SPAG9: variants seen among roughly 807,000 people sequenced by gnomAD.
SPAG9 encodes the protein sperm associated antigen 9.
In SPAG9, 35 loss-of-function variants were observed where a neutral mutation model predicts 166.5. That is an observed-to-expected ratio of 0.21 (90% CI 0.16 to 0.28). The LOEUF (loss-of-function observed/expected upper bound fraction) is 0.28, where lower values mean the gene tolerates loss of function less well. Ranked by LOEUF, SPAG9 falls within the 10% of genes least tolerant of loss-of-function variation. The pLI, the probability that SPAG9 is intolerant of heterozygous loss-of-function variation, is 1.00. For missense variants in SPAG9, 1,235 were observed against 1,603.3 expected (o/e 0.77, Z 3.92); for synonymous variants, 534 against 565.5 (o/e 0.94, Z 0.79).
At chr17:50,980,030 T>A (rs1032431756) in intron 25 of SPAG9, 113 bp from the exon 26 acceptor site, 1 of 870,968 alleles carries the variant, frequency 1.1e-6, no homozygotes. Flanking sequence ...CCAAATATTA[T>A]ATATTAAACA....
In SPAG9 at chr17:51,120,053, C is replaced by G. The variant is rs2049428302; in HGVS notation, c.303+301G>C. 6.6e-6 allele frequency among the ~76,000 whole-genome samples: 1 copy of G among 152,200 alleles called. No homozygotes were observed. Among genetic ancestry groups the G allele is most frequent in the Non-Finnish European group, 1.5e-5 (1 of 68,036 alleles). On this transcript the variant is annotated intron_variant, in intron 1 of 29. Transcript: ENST00000262013. This position sits in a 1 kb window ranked among gnomAD's most constrained non-coding sequence, Gnocchi z 4.7. ...CCCTCAACAAGAAGCAACCAGACACCCAACAATCTCCGCCCTTGGCCAACC... is the reference window on the plus strand; with the variant it reads ...CCCTCAACAAGAAGCAACCAGACACGCAACAATCTCCGCCCTTGGCCAACC...
At chr17:50,970,897 G>A (rs1300296236) in intron 28 of SPAG9, 41 bp from the exon 29 acceptor site, 1 of 1,524,368 alleles carries the variant, frequency 6.6e-7, no homozygotes. Context: ...ACTTATCACA[G>A]AAGGGAGGCT....
chr17:51,050,965 G>A (rs550258477), intron 3 of SPAG9, among the ~76,000 whole-genome samples: 2 of 143,000 alleles, frequency 1.4e-5, no homozygotes, highest in South Asian at 4.4e-4. Flanking sequence ...AGAAAGGAAA[G>A]AACGAAGGGA....
chr17:50,986,502 G>A (rs937236034), intron 22 of SPAG9, among the ~76,000 whole-genome samples: 1 of 152,136 alleles, frequency 6.6e-6, no homozygotes, highest in Non-Finnish European at 1.5e-5. Context: ...GCTCCAATGA[G>A]CATTACCTGC....
intron 1 of SPAG9, among the ~76,000 whole-genome samples, chr17:51,113,905 G>A (rs2049202087): frequency 1.3e-5 from 2 of 152,086 alleles, no homozygotes; most frequent in Non-Finnish European, 2.9e-5. Context: ...TGAGATGGGA[G>A]GATCGCTTGA....
At chr17:51,034,803 A>C (rs1294352125) in intron 5 of SPAG9, among the ~76,000 whole-genome samples, 1 of 152,256 alleles carries the variant, frequency 6.6e-6, no homozygotes, top group African/African-American at 2.4e-5. Flanking sequence ...GCACAGTCTC[A>C]AAGTATATCC....
chr17:51,104,300 GC>G (rs1011600390), intron 1 of SPAG9, among the ~76,000 whole-genome samples: 4 of 152,116 alleles, frequency 2.6e-5, no homozygotes, highest in African/African-American at 9.7e-5. Context: ...ACCACTGTAT[GC>G]CCAATGAGCA....
At chr17:51,067,907 C>T (rs928601120) in intron 2 of SPAG9, among the ~76,000 whole-genome samples, 3 of 152,234 alleles carry the variant, frequency 2.0e-5, no homozygotes, top group Non-Finnish European at 4.4e-5. Flanking sequence ...GCCACCTGCT[C>T]TGCCGGCTCA....
chr17:50,989,167 C>G (rs955726438), intron 21 of SPAG9, among the ~76,000 whole-genome samples: 1 of 152,130 alleles, frequency 6.6e-6, no homozygotes, highest in African/African-American at 2.4e-5. Flanking sequence ...GGTGGTTCCA[C>G]AAGATTATAC....
chr17:50,995,051 A>T lies in SPAG9; in HGVS notation c.2226+6T>A, dbSNP rs376252128. 1.2e-6 allele frequency: 2 copies of T among 1,609,168 alleles called. No individual in the cohort carries two copies. Among genetic ancestry groups the T allele is most frequent in the Non-Finnish European group, 8.5e-7 (1 of 1,176,928 alleles). ...AACCAGGTCAAATGTTAGTACACACACTTACCTTAAGTTCCTGATCTAACT... is the reference window on the plus strand; with the variant it reads ...AACCAGGTCAAATGTTAGTACACACTCTTACCTTAAGTTCCTGATCTAACT... On this transcript the variant is annotated splice_donor_region_variant and intron_variant, in intron 18 of 29. Transcript: ENST00000262013.
chr17:51,077,013 G>GCTAGCTATCTAT lies in SPAG9; in HGVS notation c.424+2570_424+2571insATAGATAGCTAG, dbSNP rs2048001639. On this transcript the variant is annotated intron_variant, in intron 2 of 29. Transcript: ENST00000262013. Reference sequence around the variant, plus strand: ...AGCTATCTAGCTATCTAGCTAGCTAGCTAGCTATCTAGCTATCTATCTAGC... The same window carrying GCTAGCTATCTAT: ...AGCTATCTAGCTATCTAGCTAGCTAGCTAGCTATCTATCTAGCTATCTAGCTATCTATCTAGC... Among the ~76,000 whole-genome samples the GCTAGCTATCTAT allele has an allele frequency of 2.7e-4, 17 of 62,898 alleles. 1 individual carries two copies. The highest frequency in any genetic ancestry group is 6.0e-4 in the Non-Finnish European group (14 of 23,338). 41.3% of individuals were successfully genotyped at this position (62,898 alleles called of 152,430 possible).
In SPAG9 at chr17:51,017,816, C is replaced by T. The variant is rs2045766766; in HGVS notation, c.1091+2343G>A. Among the ~76,000 whole-genome samples, 4 of 152,076 alleles carry T rather than the reference C, an allele frequency of 2.6e-5. 1 individual carries two copies. In the South Asian group the frequency reaches 8.3e-4, roughly 31 times the overall value. The stretch of plus-strand genomic sequence containing the variant: ...AACCATCTGAGGTATTAACACAAAG[C>T]TGTTTTATAAATGAGAAAACATACC... On this transcript the variant is annotated intron_variant, in intron 8 of 29. Coordinates refer to ENST00000262013, the MANE Select transcript of SPAG9 (RefSeq NM_001130528.3).
chr17:51,065,609 T>A (rs2047640864), intron 2 of SPAG9, among the ~76,000 whole-genome samples: 1 of 152,182 alleles, frequency 6.6e-6, no homozygotes, highest in South Asian at 2.1e-4. Context: ...CAAAATAACA[T>A]ACTAATGGCC....
intron 1 of SPAG9, among the ~76,000 whole-genome samples, chr17:51,086,743 G>A (rs1250782913): frequency 6.6e-6 from 1 of 152,048 alleles, no homozygotes; most frequent in Non-Finnish European, 1.5e-5. Flanking sequence ...CCAAGATGGT[G>A]AAACTCAGTC....
At chr17:51,079,260 A>T (rs1393667832) in intron 2 of SPAG9, among the ~76,000 whole-genome samples, 2 of 144,562 alleles carry the variant, frequency 1.4e-5, no homozygotes, top group South Asian at 4.4e-4. Flanking sequence ...GGGTGGGGGG[A>T]CACAGTTTCA....
At chr17:51,102,688 G>C (rs2144742544) in intron 1 of SPAG9, among the ~76,000 whole-genome samples, 1 of 152,076 alleles carries the variant, frequency 6.6e-6, no homozygotes, top group African/African-American at 2.4e-5. Flanking sequence ...ATTTTTAGTA[G>C]AGATGGGGTT....
At chr17:50,987,537 C>T (rs950988967) in intron 21 of SPAG9, among the ~76,000 whole-genome samples, 2 of 149,352 alleles carry the variant, frequency 1.3e-5, no homozygotes, top group African/African-American at 4.9e-5. Context: ...AAAAAAGAAA[C>T]CACCAAAATT....
intron 1 of SPAG9, among the ~76,000 whole-genome samples, chr17:51,101,214 C>T (rs1326795792): frequency 1.0e-4 from 15 of 150,578 alleles, no homozygotes; most frequent in Admixed American, 6.0e-4. Flanking sequence ...GGCTTGGTGG[C>T]GCACACCTGT....
In SPAG9 at chr17:50,997,625, A is replaced by C. The variant is rs144534454; in HGVS notation, c.1838+819T>G. Among the ~76,000 whole-genome samples the C allele has an allele frequency of 3.2e-3, 487 of 152,342 alleles. 3 individuals are homozygous for C. Among genetic ancestry groups the C allele is most frequent in the African/African-American group, 0.011 (455 of 41,582 alleles). On this transcript the variant is annotated intron_variant, in intron 15 of 29. Transcript: ENST00000262013. The stretch of plus-strand genomic sequence containing the variant: ...GTTGCTATGTATATATACCACAGTT[A>C]ACATATCTACCTATATGTCAGATAC...
Sources: allele counts gnomAD v4.1 joint callset (sites outside exome capture counted in the v4.1 genomes callset), GRCh38; gene constraint gnomAD v4.1.1; non-coding constraint Gnocchi (gnomAD v3.1); transcripts MANE v1.5; gene names NCBI Gene and HGNC (gene_info 2026-07-23, HGNC 2026-07-21).